Variants in YJEFN3 observed in about 807,000 individuals in gnomAD.
YJEFN3 encodes yjeF N-terminal domain-containing protein 3.
A neutral mutation model predicts 31.5 loss-of-function variants in YJEFN3; 29 were observed. The ratio of observed to expected loss-of-function variants is 0.92; its 90% CI spans 0.69 to 1.26. The LOEUF is 1.26. YJEFN3 is among the 50% of genes most tolerant of loss of function. The pLI is 0.00. For missense variants in YJEFN3, 442 were observed against 425.4 expected (o/e 1.04, Z -0.34); for synonymous variants, 227 against 196.1 (o/e 1.16, Z -1.32).
At position 19,533,623 on chromosome 19, in the gene YJEFN3, A is replaced by C. The variant is rs1366669822; in HGVS notation, c.318+883A>C. On this transcript the variant is annotated intron_variant, in intron 3 of 6. Transcript: ENST00000514277. Reference sequence around the variant, plus strand: ...CCTCCTCCCCATCCTCCTCCTCCCCATTCTCTCCCTCCTCACCCCTCCTCC... The same window carrying C: ...CCTCCTCCCCATCCTCCTCCTCCCCCTTCTCTCCCTCCTCACCCCTCCTCC... 1.8e-5 allele frequency: 17 copies of C among 933,766 alleles called. No homozygotes were observed. In the Admixed American group the frequency reaches 2.3e-4, roughly 12 times the overall value. The allele number at this position is 933,766 out of a possible 1,614,324, so 57.8% of individuals were successfully genotyped here. A position where few individuals can be genotyped will look rare whatever the true frequency, so the allele number is the denominator to read the frequency against.
chr19:19,535,049 G>T lies in YJEFN3; in HGVS notation c.334G>T (p.Ala112Ser). ...CTACCACCAGGCGTTCCCGTTGCCCGCTCTCTCCCGGAAGCAGAGGACGGT... is the reference window on the plus strand; with the variant it reads ...CTACCACCAGGCGTTCCCGTTGCCCTCTCTCTCCCGGAAGCAGAGGACGGT... ...VAVTKAFPLP[A>S]LSRKQRTVLV... Residue 112 changes from alanine to serine, a missense_variant, in exon 4 of 7, where the codon GCT (alanine) becomes TCT (serine). Ala to Ser is a moderately conservative substitution (Grantham distance 99). Transcript: ENST00000514277. 1 of 1,602,570 alleles carries T rather than the reference G, an allele frequency of 6.2e-7. No homozygotes were observed.
At position 19,532,614 on chromosome 19, in the gene YJEFN3, A is replaced by G. The variant is rs1202910064; in HGVS notation, c.210-18A>G. ...GTCTCTGTGTGTCTCTGAGTGTCCC[A>G]TCCCACTCTGTCCCCAGCACCGCGG... On this transcript the variant is annotated intron_variant, in intron 2 of 6. Coordinates refer to ENST00000514277, the MANE Select transcript of YJEFN3 (RefSeq NM_198537.4). The G allele has an allele frequency of 6.6e-7, 1 of 1,505,664 alleles. No individual in the cohort carries two copies. 93.3% of individuals were successfully genotyped at this position (1,505,664 alleles called of 1,614,324 possible). A position where few individuals can be genotyped will look rare whatever the true frequency, so the allele number is the denominator to read the frequency against.
intron 2 of YJEFN3, among the ~76,000 whole-genome samples, chr19:19,529,865 C>T (rs2061137456): frequency 6.6e-6 from 1 of 152,168 alleles, no homozygotes; most frequent in Non-Finnish European, 1.5e-5. Flanking sequence ...AGAAGGGCCT[C>T]TTAGGCATGG....
chr19:19,530,088 G>A (rs2061140345), intron 2 of YJEFN3, among the ~76,000 whole-genome samples: 1 of 152,174 alleles, frequency 6.6e-6, no homozygotes, highest in Non-Finnish European at 1.5e-5. Context: ...AGGACTGAGA[G>A]CAGGGTGAGT....
intron 6 of YJEFN3, 138 bp downstream of exon 6, chr19:19,535,817 G>A: frequency 8.6e-7 from 1 of 1,161,110 alleles, no homozygotes; most frequent in Non-Finnish European, 1.2e-6. Context: ...CTGAGGCTAA[G>A]GGTCACACCC....
At chr19:19,533,556 TC>T (rs1187302793) in intron 3 of YJEFN3, 1 of 541,100 alleles carries the variant, frequency 1.8e-6, no homozygotes, top group Non-Finnish European at 2.3e-6. Flanking sequence ...TCCCTCCTCC[TC>T]CCCCTCCTCC....
chr19:19,533,569 G>C (rs1196418423), intron 3 of YJEFN3: 2 of 715,794 alleles, frequency 2.8e-6, no homozygotes, highest in Non-Finnish European at 3.3e-6. Context: ...CCCTCCTCCT[G>C]TTCTCCTTCC....
intron 3 of YJEFN3, chr19:19,533,170 C>T: frequency 1.0e-6 from 1 of 999,964 alleles, no homozygotes; most frequent in Non-Finnish European, 1.2e-6. Flanking sequence ...GGAAGCAGAG[C>T]TGCAACCCAG....
chr19:19,537,284 C>G, intron 6 of YJEFN3, 35 bp from the exon 7 acceptor site: 2 of 1,531,556 alleles, frequency 1.3e-6, no homozygotes, highest in Non-Finnish European at 8.8e-7. Context: ...GGCCACCCTC[C>G]CAGTTCCCAA....
At chr19:19,529,263 C>T in intron 1 of YJEFN3, 101 bp from the exon 2 acceptor site, 1 of 1,467,876 alleles carries the variant, frequency 6.8e-7, no homozygotes, top group Non-Finnish European at 9.0e-7. Context: ...GGGAAACTGC[C>T]TCCGGGGCAG....
Position 19,534,861 on chromosome 19 carries a change from A to C in YJEFN3, c.319-173A>C. ...CGGGCCTCTGCATCTCCAGCGGGGAAACTGAGGCCCCAAGAGGCCCAACCC... is the reference window on the plus strand; with the variant it reads ...CGGGCCTCTGCATCTCCAGCGGGGACACTGAGGCCCCAAGAGGCCCAACCC... On this transcript the variant is annotated intron_variant, in intron 3 of 6. Transcript: ENST00000514277. The surrounding 1 kb of genome is among the most constrained non-coding windows in gnomAD (Gnocchi z 4.6). 1 of 448,372 alleles carries C rather than the reference A, an allele frequency of 2.2e-6. No individual in the cohort carries two copies. Among genetic ancestry groups the C allele is most frequent in the Non-Finnish European group, 3.9e-6 (1 of 259,378 alleles). 27.8% of individuals were successfully genotyped at this position (448,372 alleles called of 1,614,324 possible). A position where few individuals can be genotyped will look rare whatever the true frequency, so the allele number is the denominator to read the frequency against.
chr19:19,531,174 A>G (rs2061152438), intron 2 of YJEFN3, among the ~76,000 whole-genome samples: 1 of 152,202 alleles, frequency 6.6e-6, no homozygotes, highest in African/African-American at 2.4e-5. Context: ...CAGAGGGCAG[A>G]CATCTCCCAC....
Position 19,535,693 on chromosome 19 carries a change from AGG to A in YJEFN3, c.694+19_694+20del. 2.6e-6 allele frequency: 4 copies of A among 1,548,062 alleles called. No homozygotes were observed. Among genetic ancestry groups the A allele is most frequent in the Non-Finnish European group, 3.5e-6 (4 of 1,148,150 alleles). ...ACATCCCCTCAGGCATGCCAGGCAGAGGGGGGCACATTGGGGCCTGGGGGGCT... is the reference window on the plus strand; with the variant it reads ...ACATCCCCTCAGGCATGCCAGGCAGAGGGGCACATTGGGGCCTGGGGGGCT... On this transcript the variant is annotated intron_variant, in intron 6 of 6. Coordinates refer to ENST00000514277, the MANE Select transcript of YJEFN3 (RefSeq NM_198537.4).
intron 3 of YJEFN3, chr19:19,533,218 G>C: frequency 2.0e-6 from 2 of 991,168 alleles, no homozygotes; most frequent in South Asian, 9.2e-5. Flanking sequence ...ACACCTCGAG[G>C]GGCCAGGAGG....
chr19:19,535,658 G>A lies in YJEFN3; in HGVS notation c.673G>A (p.Val225Met), dbSNP rs200227282. 465 of 1,568,576 alleles carry A rather than the reference G, an allele frequency of 3.0e-4. 1 individual carries two copies. The African/African-American group carries it at 5.5e-3, about 18-fold the overall frequency. ...GCTCAAGCTGCTGTCCATCCCCCTCGTGAGCCTGGACATCCCCTCAGGCAT... is the reference window on the plus strand; with the variant it reads ...GCTCAAGCTGCTGTCCATCCCCCTCATGAGCCTGGACATCCCCTCAGGCAT... ...ATLKLLSIPL[V>M]SLDIPSGWDA... Residue 225 changes from valine (V) to methionine (M), a missense_variant, in exon 6 of 7, where the codon GTG becomes ATG. Transcript: ENST00000514277.
At position 19,535,309 on chromosome 19, in the gene YJEFN3, G is replaced by A. The variant is rs2061197100; in HGVS notation, c.430-28G>A. On this transcript the variant is annotated intron_variant, in intron 4 of 6. Coordinates refer to ENST00000514277, the MANE Select transcript of YJEFN3 (RefSeq NM_198537.4). ...TGGTGCTGGTGACCAGGTCAGGGGA[G>A]TCTGACCCCCTCTTCTCCCACCCCC... 8 of 1,602,868 alleles carry A rather than the reference G, an allele frequency of 5.0e-6. No homozygotes were observed. The South Asian group carries it at 6.6e-5, about 13-fold the overall frequency.
chr19:19,536,477 T>A (rs1008630074), intron 6 of YJEFN3, among the ~76,000 whole-genome samples: 21 of 151,658 alleles, frequency 1.4e-4, no homozygotes, highest in Non-Finnish European at 2.6e-4. Flanking sequence ...TGTCAGGAGT[T>A]CCAGACCAGC....
chr19:19,537,474 G>A lies in YJEFN3; in HGVS notation c.850G>A (p.Ala284Thr), dbSNP rs772221927. The A allele has an allele frequency of 6.3e-7, 1 of 1,584,940 alleles. No homozygotes were observed. The highest frequency in any genetic ancestry group is 1.1e-5 in the South Asian group (1 of 89,214). The change falls in exon 7 of 7, where the codon GCT becomes ACT. Residue 284 changes from alanine (A) to threonine (T), a missense_variant. Coordinates refer to ENST00000514277, the MANE Select transcript of YJEFN3 (RefSeq NM_198537.4). ...GCCCGATGACGTGCGCCGCAAGTTC[G>A]CTCTGCGCCTGCCGGGATACACGGG... ...FVPDDVRRKF[A>T]LRLPGYTGTD...
At chr19:19,535,923 A>C in intron 6 of YJEFN3, 2 of 609,968 alleles carry the variant, frequency 3.3e-6, no homozygotes, top group Admixed American at 3.0e-5. Flanking sequence ...CCCTCTGCCC[A>C]CCCCTGGCCC....
Sources: allele counts gnomAD v4.1 joint callset (sites outside exome capture counted in the v4.1 genomes callset), GRCh38; gene constraint gnomAD v4.1.1; non-coding constraint Gnocchi (gnomAD v3.1); transcripts MANE v1.5; gene names NCBI Gene and HGNC (gene_info 2026-07-23, HGNC 2026-07-21).